SLC31A2: variants seen among roughly 807,000 people sequenced by gnomAD.
SLC31A2 encodes solute carrier family 31 member 2.
SLC31A2 carries 16 observed loss-of-function variants against 14.4 expected under a neutral mutation model. The ratio of observed to expected loss-of-function variants is 1.11; its 90% confidence interval spans 0.75 to 1.69. The LOEUF is 1.69. Among genes scored for constraint, SLC31A2 ranks in the 40% most tolerant of loss-of-function variants. The probability of loss-of-function intolerance (pLI) is 0.00; values close to 1 mark genes in which losing one functional copy is unlikely to be tolerated. For synonymous variants in SLC31A2, 56 were observed against 68.7 expected (o/e 0.82, Z 0.91); for missense variants, 140 against 173.9 (o/e 0.81, Z 1.10).
chr9:113,160,417 A>G (rs1432813081), intron 2 of SLC31A2, among the ~76,000 whole-genome samples: 1 of 152,198 alleles, frequency 6.6e-6, no homozygotes, highest in Non-Finnish European at 1.5e-5. Flanking sequence ...TGATATTTTG[A>G]TACCTATATA....
intron 1 of SLC31A2, chr9:113,152,303 C>T (rs147707926): frequency 0.015 from 2,332 of 152,406 alleles, 29 homozygotes; most frequent in Non-Finnish European, 0.022. Flanking sequence ...GCCTATCTGA[C>T]CACAAAGCCC....
chr9:113,152,341 C>T (rs1223271153), intron 1 of SLC31A2: 2 of 152,256 alleles, frequency 1.3e-5, no homozygotes, highest in Non-Finnish European at 2.9e-5. Flanking sequence ...GCCCAGATCG[C>T]TTCTCTCAAG....
chr9:113,161,714 A>ACC lies in SLC31A2; in HGVS notation c.263+16_263+17insCC, dbSNP rs1830016116. On this transcript the variant is annotated intron_variant, in intron 3 of 3. Transcript: ENST00000259392. Reference sequence around the variant, plus strand: ...CCCACCACAGGTACAGGCAGTGGGTATGGGAAAGGGGCAGAAGCCTCACAT... The same window carrying ACC: ...CCCACCACAGGTACAGGCAGTGGGTACCTGGGAAAGGGGCAGAAGCCTCACAT... 1 of 1,612,086 alleles carries ACC rather than the reference A, an allele frequency of 6.2e-7. No individual in the cohort carries two copies. Among genetic ancestry groups the ACC allele is most frequent in the Admixed American group, 1.7e-5 (1 of 60,000 alleles).
chr9:113,154,842 A>G (rs535334140), intron 1 of SLC31A2, among the ~76,000 whole-genome samples: 1 of 152,252 alleles, frequency 6.6e-6, no homozygotes, highest in African/African-American at 2.4e-5. Flanking sequence ...TCCCATCCCC[A>G]GACTGGTCCT....
chr9:113,157,289 G>A (rs1023358938), intron 1 of SLC31A2, among the ~76,000 whole-genome samples: 1 of 152,222 alleles, frequency 6.6e-6, no homozygotes, highest in South Asian at 2.1e-4. Context: ...AACACTGTGG[G>A]ATCTGTCTAG....
In SLC31A2 at chr9:113,163,011, T is replaced by C; in HGVS notation, c.*94T>C. On this transcript the variant is annotated 3_prime_UTR_variant, in exon 4 of 4. Transcript: ENST00000259392. Reference sequence around the variant, plus strand: ...CAACTGCCCTTTCTTCTGATGGCTATTCCTCCACCTTATTCCCAGCCCCTG... The same window carrying C: ...CAACTGCCCTTTCTTCTGATGGCTACTCCTCCACCTTATTCCCAGCCCCTG... 1 of 1,175,852 alleles carries C rather than the reference T, an allele frequency of 8.5e-7. No homozygotes were observed. Among genetic ancestry groups the C allele is most frequent in the East Asian group, 2.8e-5 (1 of 35,928 alleles). 72.8% of individuals were successfully genotyped at this position (1,175,852 alleles called of 1,614,324 possible).
chr9:113,161,588 C>A lies in SLC31A2; in HGVS notation c.153C>A (p.Leu51=). ...TCAAGGTTGGCAAAGCCAAGCTGCTCAACCAGGTACTGGTGAACCTGCCAA... is the reference window on the plus strand; with the variant it reads ...TCAAGGTTGGCAAAGCCAAGCTGCTAAACCAGGTACTGGTGAACCTGCCAA... ...EGIKVGKAKL[L]NQVLVNLPTS... The change falls in exon 3 of 4, where the codon CTC becomes CTA. Residue 51 remains leucine, a synonymous_variant. Coordinates refer to ENST00000259392, the MANE Select transcript of SLC31A2 (RefSeq NM_001860.3). 1 of 1,614,044 alleles carries A rather than the reference C, an allele frequency of 6.2e-7. No individual in the cohort carries two copies. Among genetic ancestry groups the A allele is most frequent in the African/African-American group, 1.3e-5 (1 of 75,064 alleles).
chr9:113,156,185 G>T (rs1829932489), intron 1 of SLC31A2: 1 of 515,010 alleles, frequency 1.9e-6, no homozygotes, highest in East Asian at 5.5e-5. Flanking sequence ...AAGAACTGAT[G>T]GCCCCCACAG....
intron 2 of SLC31A2, chr9:113,161,285 C>T (rs1409141214): frequency 3.7e-6 from 2 of 545,270 alleles, no homozygotes; most frequent in East Asian, 6.3e-5. Context: ...CTTCTTCACC[C>T]TCAGCCCCTG....
chr9:113,158,345 C>T (rs906164433), intron 2 of SLC31A2, among the ~76,000 whole-genome samples: 2 of 152,152 alleles, frequency 1.3e-5, no homozygotes, highest in African/African-American at 2.4e-5. Flanking sequence ...GCCCAAATGC[C>T]CATTATTGCG....
At chr9:113,152,331 G>GAGACC (rs1031856751) in intron 1 of SLC31A2, 5 of 152,276 alleles carry the variant, frequency 3.3e-5, no homozygotes, top group African/African-American at 1.2e-4. Context: ...GAAAACTGTA[G>GAGACC]CCCAGATCGC....
rs1164763361 is a variant in SLC31A2 at position 113,151,027 on chromosome 9, G to T, written c.-48G>T. ...CGGTTGAACTGACTCGGAGCGAGGA[G>T]ACCCGAGCGAGCAGACGCGGCCCTG... On this transcript the variant is annotated 5_prime_UTR_variant, in exon 1 of 4. Coordinates refer to ENST00000259392, the MANE Select transcript of SLC31A2 (RefSeq NM_001860.3). The surrounding 1 kb of genome is among the most constrained non-coding windows in gnomAD (Gnocchi z 4.2). The T allele has an allele frequency of 4.6e-6, 6 of 1,297,324 alleles. No homozygotes were observed. The highest frequency in any genetic ancestry group is 3.7e-5 in the Admixed American group (1 of 27,310). 80.4% of individuals were successfully genotyped at this position (1,297,324 alleles called of 1,614,324 possible).
rs577699783 is a variant in SLC31A2, at chr9:113,162,640, A to C, written c.264-109A>C. The C allele has an allele frequency of 7.8e-6, 8 of 1,024,126 alleles. No individual in the cohort carries two copies. In the Admixed American group the frequency reaches 1.5e-4, roughly 20 times the overall value. 63.4% of individuals were successfully genotyped at this position (1,024,126 alleles called of 1,614,324 possible). A position where few individuals can be genotyped will look rare whatever the true frequency, so the allele number is the denominator to read the frequency against. ...TCCTGGGTTAAGCATACAAGTTATA[A>C]ATCAATCGGGTCACGTAACTCAACA... On this transcript the variant is annotated intron_variant, in intron 3 of 3. Transcript: ENST00000259392.
chr9:113,152,287 C>G (rs568196069), intron 1 of SLC31A2: 26 of 152,418 alleles, frequency 1.7e-4, no homozygotes, highest in African/African-American at 5.8e-4. Context: ...TGGGGCCCTG[C>G]CCCTTGCCTA....
At chr9:113,156,237 T>C in intron 1 of SLC31A2, 1 of 457,868 alleles carries the variant, frequency 2.2e-6, no homozygotes, top group Non-Finnish European at 4.5e-6. Context: ...TCTTCCTCCC[T>C]TGAACAGAAA....
At chr9:113,157,989 T>C (rs966246457) in intron 2 of SLC31A2, 196 bp downstream of exon 2, 6 of 671,010 alleles carry the variant, frequency 8.9e-6, no homozygotes, top group Admixed American at 4.1e-5. Flanking sequence ...TCCATTATCT[T>C]ACTGATCCTC....
rs3810906 is a variant in SLC31A2, at chr9:113,162,824, C to T, written c.339C>T (p.Ala113=). The T allele has an allele frequency of 0.26, 417,002 of 1,612,962 alleles. 56,309 individuals are homozygous for T. The highest frequency in any genetic ancestry group is 0.42 in the East Asian group (18,895 of 44,810). ...QVVIGYFIML[A]VMSYNTWIFL... ...TCATCGGCTACTTCATCATGCTGGC[C>T]GTAATGTCCTACAACACCTGGATTT... Residue 113 remains alanine, a synonymous_variant, in exon 4 of 4, where the codon GCC becomes GCT. Coordinates refer to ENST00000259392, the MANE Select transcript of SLC31A2 (RefSeq NM_001860.3).
Position 113,151,022 on chromosome 9 carries a change from G to A in SLC31A2, c.-53G>A, listed in dbSNP as rs924729202. Reference sequence around the variant, plus strand: ...GGCGGCGGTTGAACTGACTCGGAGCGAGGAGACCCGAGCGAGCAGACGCGG... The same window carrying A: ...GGCGGCGGTTGAACTGACTCGGAGCAAGGAGACCCGAGCGAGCAGACGCGG... On this transcript the variant is annotated 5_prime_UTR_variant, in exon 1 of 4. Coordinates refer to ENST00000259392, the MANE Select transcript of SLC31A2 (RefSeq NM_001860.3). This position sits in a 1 kb window ranked among gnomAD's most constrained non-coding sequence, Gnocchi z 4.2. The A allele has an allele frequency of 4.6e-6, 6 of 1,294,472 alleles. No homozygotes were observed. Among genetic ancestry groups the A allele is most frequent in the South Asian group, 2.9e-5 (1 of 34,936 alleles). The allele number at this position is 1,294,472 out of a possible 1,614,324, so 80.2% of individuals were successfully genotyped here.
At chr9:113,155,615 G>A (rs1829923242) in intron 1 of SLC31A2, among the ~76,000 whole-genome samples, 1 of 152,200 alleles carries the variant, frequency 6.6e-6, no homozygotes, top group South Asian at 2.1e-4. Flanking sequence ...TCTGGGTACA[G>A]GCTTCTGGCA....
Sources: allele counts gnomAD v4.1 joint callset (sites outside exome capture counted in the v4.1 genomes callset), GRCh38; gene constraint gnomAD v4.1.1; non-coding constraint Gnocchi (gnomAD v3.1); transcripts MANE v1.5; gene names NCBI Gene and HGNC (gene_info 2026-07-23, HGNC 2026-07-21).